NDUFAF2: variants seen among roughly 807,000 people sequenced by gnomAD.
NDUFAF2 encodes NADH:ubiquinone oxidoreductase complex assembly factor 2.
NDUFAF2 carries 13 observed loss-of-function variants against 22.8 expected under a neutral mutation model. The observed-to-expected ratio is 0.57, with a 90% confidence interval of 0.37 to 0.91. NDUFAF2 has a LOEUF of 0.91. NDUFAF2 is among the 40% of genes least tolerant of loss of function. The pLI, the probability that NDUFAF2 is intolerant of heterozygous loss-of-function variation, is 0.01. For synonymous variants in NDUFAF2, 53 were observed against 64.2 expected (o/e 0.83, Z 0.84); for missense variants, 162 against 195.2 (o/e 0.83, Z 1.01).
At chr5:61,020,820 T>C (rs1166614965) in intron 1 of NDUFAF2, among the ~76,000 whole-genome samples, 1 of 151,970 alleles carries the variant, frequency 6.6e-6, no homozygotes, top group Non-Finnish European at 1.5e-5. Context: ...CTCAGCCTCC[T>C]GAGTAGCTGG....
chr5:61,051,183 C>T (rs1208204054), intron 1 of NDUFAF2, among the ~76,000 whole-genome samples: 1 of 152,118 alleles, frequency 6.6e-6, no homozygotes, highest in Non-Finnish European at 1.5e-5. Context: ...TTCTAATCTC[C>T]ATTAGCCTCC....
At chr5:60,962,596 G>A (rs1750703536) in intron 1 of NDUFAF2, among the ~76,000 whole-genome samples, 1 of 152,048 alleles carries the variant, frequency 6.6e-6, no homozygotes, top group Non-Finnish European at 1.5e-5. Flanking sequence ...ACTTTGGGAG[G>A]CCGAGGTGGG....
chr5:61,123,702 G>A (rs1753002385), intron 3 of NDUFAF2, among the ~76,000 whole-genome samples: 1 of 152,122 alleles, frequency 6.6e-6, no homozygotes, highest in Non-Finnish European at 1.5e-5. Context: ...AATGCTGCTA[G>A]CAAATTAACT....
intron 1 of NDUFAF2, among the ~76,000 whole-genome samples, chr5:61,056,919 A>AAAAAAAAT (rs1752105032): frequency 6.9e-5 from 2 of 28,808 alleles, no homozygotes; most frequent in African/African-American, 3.2e-4. Flanking sequence ...AAAAAAAAAA[A>AAAAAAAAT]ATATATATAT....
intron 1 of NDUFAF2, among the ~76,000 whole-genome samples, chr5:61,062,724 T>C (rs1752180819): frequency 6.6e-6 from 1 of 152,086 alleles, no homozygotes; most frequent in East Asian, 1.9e-4. Flanking sequence ...CCCAAATAGA[T>C]TGAACCCAAA....
intron 3 of NDUFAF2, among the ~76,000 whole-genome samples, chr5:61,119,805 T>A (rs919043626): frequency 1.3e-5 from 2 of 152,354 alleles, no homozygotes; most frequent in African/African-American, 4.8e-5. Context: ...TCTGCAAGTG[T>A]AACTGTTGAG....
intron 2 of NDUFAF2, among the ~76,000 whole-genome samples, chr5:61,081,984 T>A (rs1752449515): frequency 6.6e-6 from 1 of 152,234 alleles, no homozygotes; most frequent in African/African-American, 2.4e-5. Context: ...GCCAAATGGA[T>A]GTTACAAATG....
At chr5:61,016,772 C>T (rs1751516581) in intron 1 of NDUFAF2, among the ~76,000 whole-genome samples, 1 of 152,136 alleles carries the variant, frequency 6.6e-6, no homozygotes, top group South Asian at 2.1e-4. Context: ...TAGTTTTAGG[C>T]ATCAACATGG....
intron 1 of NDUFAF2, among the ~76,000 whole-genome samples, chr5:60,994,378 A>C (rs1403928453): frequency 2.6e-5 from 4 of 152,128 alleles, no homozygotes; most frequent in Non-Finnish European, 5.9e-5. Context: ...CCGGGTCCAC[A>C]GCCACAACTC....
intron 1 of NDUFAF2, among the ~76,000 whole-genome samples, chr5:60,963,635 C>G (rs929730682): frequency 7.9e-5 from 12 of 152,162 alleles, no homozygotes; most frequent in African/African-American, 2.7e-4. Flanking sequence ...AGGCACAGTT[C>G]TAGGCATTTG....
chr5:60,986,459 C>T (rs1177906999), intron 1 of NDUFAF2, among the ~76,000 whole-genome samples: 2 of 152,094 alleles, frequency 1.3e-5, no homozygotes, highest in African/African-American at 4.8e-5. Flanking sequence ...CTCTGGGGCA[C>T]AGATATGGCA....
intron 3 of NDUFAF2, among the ~76,000 whole-genome samples, chr5:61,134,827 C>T (rs537481847): frequency 6.6e-6 from 1 of 152,168 alleles, no homozygotes; most frequent in East Asian, 1.9e-4. Context: ...AGACATTGTA[C>T]ATCAGTGAGT....
intron 1 of NDUFAF2, among the ~76,000 whole-genome samples, chr5:61,012,555 C>A (rs1225908675): frequency 4.6e-5 from 7 of 151,708 alleles, no homozygotes; most frequent in Admixed American, 1.3e-4. Flanking sequence ...AATTAGTGTA[C>A]AATTAAAACT....
chr5:61,128,142 A>G (rs1579844958), intron 3 of NDUFAF2, among the ~76,000 whole-genome samples: 1 of 152,320 alleles, frequency 6.6e-6, no homozygotes, highest in East Asian at 1.9e-4. Flanking sequence ...TCAATGAAAT[A>G]AAAGAAGACA....
At chr5:61,080,724 A>G (rs147056216) in intron 2 of NDUFAF2, among the ~76,000 whole-genome samples, 25 of 152,180 alleles carry the variant, frequency 1.6e-4, no homozygotes, top group African/African-American at 5.3e-4. Context: ...AGAATTTCCT[A>G]TGTATCATAG....
At chr5:61,077,744 G>C (rs975730258) in intron 2 of NDUFAF2, among the ~76,000 whole-genome samples, 17 of 152,186 alleles carry the variant, frequency 1.1e-4, no homozygotes, top group African/African-American at 4.1e-4. Context: ...ACAGGGGGAA[G>C]AGTTGACCTT....
intron 1 of NDUFAF2, among the ~76,000 whole-genome samples, chr5:61,056,902 A>T (rs1421112316): frequency 2.8e-5 from 1 of 35,656 alleles, no homozygotes; most frequent in Non-Finnish European, 5.0e-5. Context: ...AAAAAAAAAA[A>T]AAAAAAAAAA....
chr5:61,015,786 C>A (rs1751499166), intron 1 of NDUFAF2, among the ~76,000 whole-genome samples: 3 of 151,916 alleles, frequency 2.0e-5, no homozygotes, highest in African/African-American at 7.3e-5. Flanking sequence ...GGTTAAAAAC[C>A]AACAAAAATA....
intron 3 of NDUFAF2, among the ~76,000 whole-genome samples, chr5:61,152,150 G>T (rs1741250856): frequency 6.6e-6 from 1 of 152,106 alleles, no homozygotes; most frequent in Non-Finnish European, 1.5e-5. Flanking sequence ...AGTGTCTAGG[G>T]CATGCCAAAC....
Sources: allele counts gnomAD v4.1 joint callset (sites outside exome capture counted in the v4.1 genomes callset), GRCh38; gene constraint gnomAD v4.1.1; transcripts MANE v1.5; gene names NCBI Gene and HGNC (gene_info 2026-07-23, HGNC 2026-07-21).